NUFIP1: variants seen among roughly 807,000 people sequenced by gnomAD.
NUFIP1 encodes FMR1-interacting protein NUFIP1.
NUFIP1 carries 38 observed loss-of-function variants against 56.2 expected under a neutral mutation model. That is an observed-to-expected ratio of 0.68 (90% confidence interval 0.52 to 0.89). The LOEUF is 0.89. Among genes scored for constraint, NUFIP1 ranks in the 40% least tolerant of loss-of-function variants. The pLI is 0.00. For missense variants in NUFIP1, 567 were observed against 605.8 expected (o/e 0.94, Z 0.67); for synonymous variants, 215 against 212.4 (o/e 1.01, Z -0.10).
At chr13:44,979,472 G>T (rs1306715574) in intron 4 of NUFIP1, among the ~76,000 whole-genome samples, 3 of 152,130 alleles carry the variant, frequency 2.0e-5, no homozygotes, top group African/African-American at 7.2e-5. Flanking sequence ...GAGGGAAAAG[G>T]GGTAACATAA....
chr13:44,950,257 T>A lies in NUFIP1; in HGVS notation c.1022-419A>T, dbSNP rs140641072. On this transcript the variant is annotated intron_variant, in intron 7 of 9. Coordinates refer to ENST00000379161, the MANE Select transcript of NUFIP1 (RefSeq NM_012345.3). ...AAATGAAGTATTAAAATACCTATGC[T>A]TTTAACTGTTTTTAAGACTGTTTTT... Among the ~76,000 whole-genome samples, 1,098 of 152,348 alleles carry A rather than the reference T, an allele frequency of 7.2e-3. 8 individuals carry two copies. Among genetic ancestry groups the A allele is most frequent in the African/African-American group, 0.025 (1,025 of 41,580 alleles).
In NUFIP1 at chr13:44,965,857, T is replaced by C. The variant is rs1871579914; in HGVS notation, c.814A>G (p.Thr272Ala). 1.3e-6 allele frequency: 2 copies of C among 1,592,554 alleles called. No individual in the cohort carries two copies. Among genetic ancestry groups the C allele is most frequent in the Non-Finnish European group, 1.7e-6 (2 of 1,170,910 alleles). ...EKEKRGAVLTTTQYGKMKGMS... is the reference protein window; with the variant it reads ...EKEKRGAVLTATQYGKMKGMS... ...TAAGGAGCTTACCCATATTGTGTTG[T>C]TGTCAATACTGCTCCTCTCTTCTCC... The change falls in exon 6 of 10, where the codon ACA becomes GCA. Residue 272 changes from threonine to alanine, a missense_variant. By Grantham distance (58) the Thr-to-Ala change is moderately conservative. Coordinates refer to ENST00000379161, the MANE Select transcript of NUFIP1 (RefSeq NM_012345.3).
intron 5 of NUFIP1, among the ~76,000 whole-genome samples, chr13:44,973,026 T>C (rs571051409): frequency 3.3e-5 from 5 of 152,362 alleles, no homozygotes; most frequent in Non-Finnish European, 5.9e-5. Context: ...TTGCTAACAT[T>C]AGAAAATCAA....
chr13:44,951,015 TATGTGA>T (rs1414218930), intron 7 of NUFIP1, among the ~76,000 whole-genome samples: 1 of 152,240 alleles, frequency 6.6e-6, no homozygotes, highest in Non-Finnish European at 1.5e-5. Context: ...AATATCTTTC[TATGTGA>T]ATGTTCAACT....
chr13:44,943,648 C>T lies in NUFIP1; in HGVS notation c.1165G>A (p.Val389Ile), dbSNP rs774907171. The T allele has an allele frequency of 8.7e-6, 14 of 1,613,306 alleles. No homozygotes were observed. The highest frequency in any genetic ancestry group is 3.3e-5 in the South Asian group (3 of 90,828). ...EETPIKTEADVLAENQVLDSS... is the reference protein window; with the variant it reads ...EETPIKTEADILAENQVLDSS... ...TCAAGAACCTGGTTTTCTGCCAAAA[C>T]GTCTGCTTCAGTCTTGATGGGAGTT... The change falls in exon 9 of 10, where the codon GTT becomes ATT. Residue 389 changes from valine (V) to isoleucine (I), a missense_variant. Transcript: ENST00000379161.
At chr13:44,984,647 AT>A (rs1357753178) in intron 1 of NUFIP1, among the ~76,000 whole-genome samples, 18 of 152,200 alleles carry the variant, frequency 1.2e-4, no homozygotes, top group South Asian at 8.3e-4. Context: ...ATTTAAAAAA[AT>A]AAATAAAATA....
Position 44,989,392 on chromosome 13 carries a change from A to C in NUFIP1, c.45T>G (p.His15Gln). 6.2e-7 allele frequency: 1 copy of C among 1,613,550 alleles called. No individual in the cohort carries two copies. The highest frequency in any genetic ancestry group is 8.5e-7 in the Non-Finnish European group (1 of 1,179,896). ...TSDFETPIGW[H>Q]ASPELTPTLG... ...ACGTGGGAGTCAGCTCGGGAGACGCATGCCACCCGATAGGAGTCTCGAAAT... is the reference window on the plus strand; with the variant it reads ...ACGTGGGAGTCAGCTCGGGAGACGCCTGCCACCCGATAGGAGTCTCGAAAT... The change falls in exon 1 of 10, where the codon CAT becomes CAG. Residue 15 changes from histidine to glutamine, a missense_variant. By Grantham distance (24) the His-to-Gln change is conservative. Coordinates refer to ENST00000379161, the MANE Select transcript of NUFIP1 (RefSeq NM_012345.3).
intron 5 of NUFIP1, among the ~76,000 whole-genome samples, chr13:44,969,201 T>C (rs1871718769): frequency 6.6e-6 from 1 of 152,070 alleles, no homozygotes; most frequent in Non-Finnish European, 1.5e-5. Flanking sequence ...AATCCAGATA[T>C]TTAAAACTAG....
intron 7 of NUFIP1, among the ~76,000 whole-genome samples, chr13:44,957,984 A>C (rs1185883533): frequency 1.3e-5 from 2 of 152,256 alleles, no homozygotes; most frequent in Non-Finnish European, 2.9e-5. Context: ...CTGAAGAAGC[A>C]TGTGAGCTCT....
At position 44,988,456 on chromosome 13, in the gene NUFIP1, A is replaced by G. The variant is rs368552841; in HGVS notation, c.412+569T>C. ...GCGACAGAGCGACACTCTGTCTCCA[A>G]AAAAAAAGAAAAAAAGAAAATCCTG... On this transcript the variant is annotated intron_variant, in intron 1 of 9. Transcript: ENST00000379161. Among the ~76,000 whole-genome samples, 340 of 152,090 alleles carry G rather than the reference A, an allele frequency of 2.2e-3. 1 individual carries two copies. The highest frequency in any genetic ancestry group is 7.8e-3 in the African/African-American group (325 of 41,492).
chr13:44,947,396 A>G (rs186174922), intron 8 of NUFIP1, among the ~76,000 whole-genome samples: 37 of 151,514 alleles, frequency 2.4e-4, no homozygotes, highest in Admixed American at 9.2e-4. Flanking sequence ...ACACCACCAC[A>G]CCAGGCTAAT....
rs1870714712 is a variant in NUFIP1 at position 44,941,014 on chromosome 13, C to G, written c.*192G>C. ...TCAATCCCAACAATACAGACACAGT[C>G]TTAAAAAATCAGTTATTTTTTTATT... is the stretch of plus-strand genomic sequence containing the variant. On this transcript the variant is annotated 3_prime_UTR_variant, in exon 10 of 10. Coordinates refer to ENST00000379161, the MANE Select transcript of NUFIP1 (RefSeq NM_012345.3). 2.2e-6 allele frequency: 1 copy of G among 459,246 alleles called. No individual in the cohort carries two copies. The highest frequency in any genetic ancestry group is 4.4e-5 in the South Asian group (1 of 22,486). 28.4% of individuals were successfully genotyped at this position (459,246 alleles called of 1,614,324 possible). A position where few individuals can be genotyped will look rare whatever the true frequency, so the allele number is the denominator to read the frequency against.
chr13:44,941,903 C>T (rs767705796), intron 9 of NUFIP1, among the ~76,000 whole-genome samples: 12 of 151,624 alleles, frequency 7.9e-5, no homozygotes, highest in African/African-American at 1.5e-4. Flanking sequence ...TAGGTTTAAA[C>T]GTCTGCGATT....
intron 5 of NUFIP1, among the ~76,000 whole-genome samples, chr13:44,970,832 G>C: frequency 6.6e-6 from 1 of 152,066 alleles, no homozygotes; most frequent in East Asian, 1.9e-4. Context: ...GTGCCACGAT[G>C]CCCAGCTAAT....
chr13:44,952,754 T>G (rs533806836), intron 7 of NUFIP1, among the ~76,000 whole-genome samples: 2 of 152,358 alleles, frequency 1.3e-5, no homozygotes, highest in East Asian at 3.9e-4. Context: ...TAGACTGTAA[T>G]GTAATTTCAC....
intron 5 of NUFIP1, among the ~76,000 whole-genome samples, 163 bp from the exon 6 acceptor site, chr13:44,966,099 T>C (rs1348745107): frequency 6.6e-6 from 1 of 152,204 alleles, no homozygotes; most frequent in Non-Finnish European, 1.5e-5. Context: ...AAAGTACTTA[T>C]AACAATGTTA....
At chr13:44,953,047 T>C (rs1871129470) in intron 7 of NUFIP1, among the ~76,000 whole-genome samples, 1 of 152,188 alleles carries the variant, frequency 6.6e-6, no homozygotes, top group Admixed American at 6.5e-5. Context: ...AGGTCCATAA[T>C]ATCAGTAGGA....
At chr13:44,968,332 T>C (rs1311427795) in intron 5 of NUFIP1, among the ~76,000 whole-genome samples, 2 of 150,298 alleles carry the variant, frequency 1.3e-5, no homozygotes, top group Non-Finnish European at 2.9e-5. Flanking sequence ...TCCTCCAGGA[T>C]ACTCAAAAGC....
Position 44,976,095 on chromosome 13 carries a change from C to CT in NUFIP1, c.734+3094dup, listed in dbSNP as rs1871964712. Among the ~76,000 whole-genome samples, 4 of 151,996 alleles carry CT rather than the reference C, an allele frequency of 2.6e-5. No individual in the cohort carries two copies. In the South Asian group the frequency reaches 8.3e-4, roughly 31 times the overall value. ...TGACACCAATAAGTTGAACCAACCT[C>CT]TAACTGATCAAAGTCCAGGCTAAGT... is the stretch of plus-strand genomic sequence containing the variant. On this transcript the variant is annotated intron_variant, in intron 5 of 9. Transcript: ENST00000379161.
Sources: allele counts gnomAD v4.1 joint callset (sites outside exome capture counted in the v4.1 genomes callset), GRCh38; gene constraint gnomAD v4.1.1; transcripts MANE v1.5; gene names NCBI Gene and HGNC (gene_info 2026-07-23, HGNC 2026-07-21).